The following KLF12 variants were observed in gnomAD, a reference collection of about 807,000 sequenced individuals.
KLF12 encodes the protein Krueppel-like factor 12.
Under a neutral mutation model 37.8 loss-of-function variants are expected in KLF12, and 9 were observed. The observed-to-expected ratio is 0.24, with a 90% CI of 0.14 to 0.42. The LOEUF is 0.42. KLF12 is among the 10% of genes least tolerant of loss of function. KLF12 has a pLI of 1.00. For missense variants in KLF12, 411 were observed against 516.0 expected (o/e 0.80, Z 1.97); for synonymous variants, 208 against 202.1 (o/e 1.03, Z -0.25).
the KLF12 span, among the ~76,000 whole-genome samples, chr13:74,288,609 G>C: frequency 6.6e-6 from 1 of 152,188 alleles, no homozygotes; most frequent in Non-Finnish European, 1.5e-5. Flanking sequence ...TTCAAAGGAA[G>C]GGCTAGGATT....
intron 3 of KLF12, among the ~76,000 whole-genome samples, chr13:73,916,218 CACACACACACA>C (rs1888824948): frequency 7.0e-6 from 1 of 143,250 alleles, no homozygotes; most frequent in Non-Finnish European, 1.5e-5. Flanking sequence ...TACACACACA[CACACACACACA>C]CACACACACA....
intron 3 of KLF12, among the ~76,000 whole-genome samples, chr13:73,918,081 C>T (rs769972473): frequency 1.3e-5 from 2 of 151,480 alleles, no homozygotes; most frequent in East Asian, 1.9e-4. Context: ...CCAACATCTA[C>T]ACACACACAC....
the KLF12 span, among the ~76,000 whole-genome samples, chr13:74,140,104 T>C: frequency 6.6e-6 from 1 of 152,248 alleles, no homozygotes; most frequent in Non-Finnish European, 1.5e-5. Flanking sequence ...TCTTAGCTTC[T>C]TCTTGTAAAA....
chr13:73,795,784 A>C (rs1029474018), intron 5 of KLF12, among the ~76,000 whole-genome samples: 2 of 152,200 alleles, frequency 1.3e-5, no homozygotes, highest in Non-Finnish European at 2.9e-5. Context: ...TACTCGGGAC[A>C]AACCAAGACT....
At chr13:73,824,128 TA>T (rs554456997) in intron 4 of KLF12, among the ~76,000 whole-genome samples, 179 of 145,056 alleles carry the variant, frequency 1.2e-3, no homozygotes, top group African/African-American at 2.9e-3. Context: ...CACATCACAT[TA>T]AAAAAAAAAA....
intron 3 of KLF12, among the ~76,000 whole-genome samples, chr13:73,918,708 C>G (rs1888967486): frequency 6.6e-6 from 1 of 152,138 alleles, no homozygotes; most frequent in Non-Finnish European, 1.5e-5. Flanking sequence ...AATTATCCAA[C>G]AAGGACTTAT....
chr13:73,746,719 C>T (rs571029488), intron 6 of KLF12, among the ~76,000 whole-genome samples: 225 of 150,214 alleles, frequency 1.5e-3, no homozygotes, highest in African/African-American at 5.3e-3. Context: ...TTTTGTGTAT[C>T]TTTCTAAAAA....
intron 2 of KLF12, among the ~76,000 whole-genome samples, chr13:73,957,344 C>T (rs914553775): frequency 6.6e-6 from 1 of 152,120 alleles, no homozygotes; most frequent in Non-Finnish European, 1.5e-5. Context: ...CTCCAACAAA[C>T]AAGTGCAAAG....
At chr13:73,897,726 C>T (rs1029933225) in intron 3 of KLF12, among the ~76,000 whole-genome samples, 1 of 152,192 alleles carries the variant, frequency 6.6e-6, no homozygotes, top group Admixed American at 6.5e-5. Flanking sequence ...ACTGATCTTC[C>T]AGGATTCCTT....
intron 1 of KLF12, among the ~76,000 whole-genome samples, chr13:74,006,600 C>T (rs1451493650): frequency 6.6e-6 from 1 of 152,160 alleles, no homozygotes; most frequent in African/African-American, 2.4e-5. Flanking sequence ...GATGGCTTAC[C>T]ATCTAGGGAA....
At chr13:74,231,573 T>G in the KLF12 span, 1 of 152,294 alleles carries the variant, frequency 6.6e-6, no homozygotes, top group South Asian at 2.1e-4. Flanking sequence ...CATATACAAG[T>G]TTGGGAGCCT....
intron 1 of KLF12, among the ~76,000 whole-genome samples, chr13:74,099,656 A>G (rs1367587935): frequency 6.6e-6 from 1 of 152,176 alleles, no homozygotes; most frequent in Non-Finnish European, 1.5e-5. Context: ...ACCTACATGC[A>G]GGGTACCAAG....
chr13:74,032,031 GTT>G (rs1893129357), intron 1 of KLF12, among the ~76,000 whole-genome samples: 1 of 152,148 alleles, frequency 6.6e-6, no homozygotes, highest in South Asian at 2.1e-4. Context: ...CCAAGGCAGA[GTT>G]TCTTAATTAA....
Position 74,096,506 on chromosome 13 carries a change from C to T in KLF12, c.-32+37233G>A, listed in dbSNP as rs558824222. Among the ~76,000 whole-genome samples the T allele has an allele frequency of 2.1e-3, 314 of 152,154 alleles. 1 individual carries two copies. Among genetic ancestry groups the T allele is most frequent in the Middle Eastern group, 6.8e-3 (2 of 294 alleles). ...AGATGTACACTAAATAAAATGTGGT[C>T]GAGATTCAATTACGTAAGTTGATCT... On this transcript the variant is annotated intron_variant, in intron 1 of 7. Transcript: ENST00000377669.
intron 1 of KLF12, among the ~76,000 whole-genome samples, chr13:74,074,966 A>G (rs1874483636): frequency 6.7e-6 from 1 of 150,264 alleles, no homozygotes; most frequent in South Asian, 2.1e-4. Flanking sequence ...CTGTGATTCT[A>G]TTCAATTCAA....
intron 6 of KLF12, among the ~76,000 whole-genome samples, chr13:73,731,956 T>C (rs371261064): frequency 6.6e-6 from 1 of 152,220 alleles, no homozygotes; most frequent in Non-Finnish European, 1.5e-5. Context: ...ATAGCATCTA[T>C]ACTTTGTGGG....
At position 73,687,362 on chromosome 13, in the gene KLF12, A is replaced by C. The variant is rs1208940807; in HGVS notation, c.*8128T>G. On this transcript the variant is annotated 3_prime_UTR_variant, in exon 8 of 8. Coordinates refer to ENST00000377669, the MANE Select transcript of KLF12 (RefSeq NM_007249.5). The stretch of plus-strand genomic sequence containing the variant: ...CCCACAGGGGGACAGTGATTTTTCA[A>C]AATGAAGCTTTAAACACAACAAATC... 6.6e-6 allele frequency: 1 copy of C among 152,662 alleles called. No homozygotes were observed. The highest frequency in any genetic ancestry group is 1.5e-5 in the Non-Finnish European group (1 of 68,046). The allele number at this position is 152,662 out of a possible 1,614,324, so 9.5% of individuals were successfully genotyped here. A position where few individuals can be genotyped will look rare whatever the true frequency, so the allele number is the denominator to read the frequency against.
At chr13:74,034,106 A>G (rs1354164676) in intron 1 of KLF12, among the ~76,000 whole-genome samples, 1 of 152,158 alleles carries the variant, frequency 6.6e-6, no homozygotes, top group African/African-American at 2.4e-5. Flanking sequence ...TCTGTCACCC[A>G]GGCTTTAGTG....
At chr13:74,021,026 C>A (rs1264386821) in intron 1 of KLF12, among the ~76,000 whole-genome samples, 1 of 152,188 alleles carries the variant, frequency 6.6e-6, no homozygotes, top group Non-Finnish European at 1.5e-5. Flanking sequence ...TCTGCTACTA[C>A]ACAGCTGTGC....
Sources: allele counts gnomAD v4.1 joint callset (sites outside exome capture counted in the v4.1 genomes callset), GRCh38; gene constraint gnomAD v4.1.1; transcripts MANE v1.5; gene names NCBI Gene and HGNC (gene_info 2026-07-23, HGNC 2026-07-21).